The following UBE2D3 variants were observed in gnomAD, a reference collection of about 807,000 sequenced individuals.
UBE2D3 encodes the protein ubiquitin-conjugating enzyme E2 D3.
A neutral mutation model predicts 22.8 loss-of-function variants in UBE2D3; 2 were observed. The ratio of observed to expected loss-of-function variants is 0.09; its 90% CI spans 0.04 to 0.28. The LOEUF (loss-of-function observed/expected upper bound fraction) is 0.28, where lower values mean the gene tolerates loss of function less well. Among genes scored for constraint, UBE2D3 ranks in the 10% least tolerant of loss-of-function variants. The pLI, the probability that UBE2D3 is intolerant of heterozygous loss-of-function variation, is 1.00. For missense variants in UBE2D3, 27 were observed against 182.5 expected (o/e 0.15, Z 4.91); for synonymous variants, 56 against 60.4 (o/e 0.93, Z 0.34).
chr4:102,826,136 G>A (rs1434708881), intron 2 of UBE2D3, among the ~76,000 whole-genome samples: 3 of 151,942 alleles, frequency 2.0e-5, no homozygotes, highest in Non-Finnish European at 2.9e-5. Flanking sequence ...GAAGCGCCAT[G>A]ACATCTGCTG....
At chr4:102,809,335 A>G (rs960394176) in intron 4 of UBE2D3, 5 of 287,018 alleles carry the variant, frequency 1.7e-5, no homozygotes, top group Non-Finnish European at 2.8e-5. Flanking sequence ...AACGCATGGC[A>G]TATCAGAGCC....
chr4:102,845,936 A>G (rs1296849334), intron 1 of UBE2D3, among the ~76,000 whole-genome samples: 1 of 152,056 alleles, frequency 6.6e-6, no homozygotes, highest in East Asian at 1.9e-4. Context: ...GACCACAGGC[A>G]TGCACCATCA....
chr4:102,849,381 A>G (rs1732226225), intron 1 of UBE2D3, among the ~76,000 whole-genome samples: 1 of 151,654 alleles, frequency 6.6e-6, no homozygotes, highest in Admixed American at 6.6e-5. Flanking sequence ...AAAAAAAAAA[A>G]AAAAGGAAAT....
At chr4:102,865,509 A>G in intron 1 of UBE2D3, among the ~76,000 whole-genome samples, 1 of 151,242 alleles carries the variant, frequency 6.6e-6, no homozygotes. Context: ...AAAAAAAAAA[A>G]GACATACACT....
chr4:102,807,975 C>T (rs1485654916), intron 4 of UBE2D3, among the ~76,000 whole-genome samples: 1 of 152,208 alleles, frequency 6.6e-6, no homozygotes, highest in Admixed American at 6.5e-5. Context: ...CGCTTCTGTG[C>T]TTTCTTAGTA....
chr4:102,856,063 A>G (rs2110373515), intron 1 of UBE2D3, among the ~76,000 whole-genome samples: 1 of 152,284 alleles, frequency 6.6e-6, no homozygotes, highest in Admixed American at 6.5e-5. Flanking sequence ...GTGGAAAAAT[A>G]TGAGCTAAAA....
intron 7 of UBE2D3, among the ~76,000 whole-genome samples, chr4:102,797,920 A>G (rs1725457443): frequency 6.6e-6 from 1 of 151,988 alleles, no homozygotes; most frequent in Admixed American, 6.6e-5. Context: ...TTGGTCCTGG[A>G]TATTACAAGA....
chr4:102,829,028 A>C (rs934251788), upstream of UBE2D3, among the ~76,000 whole-genome samples: 1 of 152,236 alleles, frequency 6.6e-6, no homozygotes, highest in African/African-American at 2.4e-5. Context: ...CCTAATAAAA[A>C]CTTAACACGT....
At chr4:102,842,455 C>G (rs1731807965) in intron 1 of UBE2D3, among the ~76,000 whole-genome samples, 1 of 151,642 alleles carries the variant, frequency 6.6e-6, no homozygotes, top group African/African-American at 2.4e-5. Flanking sequence ...CTCAAGGAGG[C>G]TGAGGTAGGA....
chr4:102,857,960 G>C (rs1282321169), intron 1 of UBE2D3, among the ~76,000 whole-genome samples: 1 of 151,872 alleles, frequency 6.6e-6, no homozygotes, highest in African/African-American at 2.4e-5. Context: ...CCAAAGTGCT[G>C]GGGTTACAGG....
intron 1 of UBE2D3, among the ~76,000 whole-genome samples, chr4:102,858,198 T>A (rs1371226664): frequency 6.6e-6 from 1 of 152,022 alleles, no homozygotes; most frequent in Non-Finnish European, 1.5e-5. Context: ...ACACCATGAT[T>A]TGGCATATAG....
At chr4:102,814,232 C>T (rs1236910489) in intron 2 of UBE2D3, among the ~76,000 whole-genome samples, 3 of 150,300 alleles carry the variant, frequency 2.0e-5, no homozygotes, top group African/African-American at 4.9e-5. Flanking sequence ...TTAACTGAAC[C>T]AAATCAGTAT....
At chr4:102,824,216 TA>T (rs1269969813) in intron 2 of UBE2D3, among the ~76,000 whole-genome samples, 2 of 152,240 alleles carry the variant, frequency 1.3e-5, no homozygotes, top group African/African-American at 4.8e-5. Flanking sequence ...CTATATTACA[TA>T]AATCTTCAAA....
At chr4:102,819,584 G>C in intron 2 of UBE2D3, 1 of 985,256 alleles carries the variant, frequency 1.0e-6, no homozygotes, top group Non-Finnish European at 1.2e-6. Context: ...CTATTAAAGC[G>C]TAACGCCATA....
intron 4 of UBE2D3, among the ~76,000 whole-genome samples, chr4:102,808,870 CTTT>C (rs1727495744): frequency 6.6e-6 from 1 of 151,898 alleles, no homozygotes; most frequent in African/African-American, 2.4e-5. Flanking sequence ...GCATTTTTTC[CTTT>C]AGAATTCTAA....
chr4:102,829,281 C>T (rs575640334), upstream of UBE2D3, among the ~76,000 whole-genome samples: 43 of 152,306 alleles, frequency 2.8e-4, no homozygotes, highest in South Asian at 7.9e-3. Flanking sequence ...GAAGTGCTTA[C>T]CTCATGGCCT....
At chr4:102,805,061 GCTGT>G (rs1217701344) in intron 4 of UBE2D3, among the ~76,000 whole-genome samples, 12 of 152,146 alleles carry the variant, frequency 7.9e-5, no homozygotes, top group African/African-American at 2.9e-4. Flanking sequence ...AAAATCAAAT[GCTGT>G]CTATGACTGC....
At position 102,827,173 on chromosome 4, in the gene UBE2D3, C is replaced by A. The variant is rs906152711; in HGVS notation, c.-129+254G>T. On this transcript the variant is annotated intron_variant, in intron 1 of 7. Transcript: ENST00000453744. ...CTCACTCCGCCTTCCAGCGCGCTCC[C>A]GCGCGCGCCCGCCCAGCCACCTCCA... 1.1e-5 allele frequency: 11 copies of A among 986,820 alleles called. No homozygotes were observed. In the African/African-American group the frequency reaches 1.9e-4, roughly 17 times the overall value. 61.1% of individuals were successfully genotyped at this position (986,820 alleles called of 1,614,324 possible).
chr4:102,845,881 C>G (rs928181710), intron 1 of UBE2D3, among the ~76,000 whole-genome samples: 1 of 150,568 alleles, frequency 6.6e-6, no homozygotes, highest in African/African-American at 2.5e-5. Context: ...ACCTCCACTT[C>G]CCAGGCTCAA....
Sources: gnomAD v4.1 joint callset for allele counts (sites outside exome capture counted in the v4.1 genomes callset) on GRCh38, gnomAD v4.1.1 for gene constraint, MANE v1.5 for transcripts, NCBI Gene and HGNC (gene_info 2026-07-23, HGNC 2026-07-21) for gene names.